CPB2: variants seen among roughly 807,000 people sequenced by gnomAD.
The protein encoded by CPB2 is carboxypeptidase B2.
Under a neutral mutation model 57.0 loss-of-function variants are expected in CPB2, and 54 were observed. The observed-to-expected ratio is 0.95, with a 90% CI of 0.76 to 1.19. The LOEUF is 1.19. CPB2 is among the 50% of genes most tolerant of loss of function. The pLI is 0.00. For missense variants in CPB2, 426 were observed against 512.0 expected (o/e 0.83, Z 1.62); for synonymous variants, 189 against 178.1 (o/e 1.06, Z -0.49).
chr13:46,087,085 G>A (rs2045219540), intron 2 of CPB2, among the ~76,000 whole-genome samples: 2 of 152,186 alleles, frequency 1.3e-5, no homozygotes, highest in Non-Finnish European at 2.9e-5. Flanking sequence ...CTGCAGCTGC[G>A]CCCAGGAGGG....
intron 1 of CPB2, among the ~76,000 whole-genome samples, chr13:46,092,058 T>C (rs1173768959): frequency 6.6e-6 from 1 of 152,162 alleles, no homozygotes; most frequent in Non-Finnish European, 1.5e-5. Context: ...CTGAACGAGA[T>C]TTTTCTTTTA....
intron 6 of CPB2, chr13:46,073,472 A>C: frequency 1.0e-6 from 1 of 983,084 alleles, no homozygotes; most frequent in Non-Finnish European, 1.2e-6. Context: ...CTTTATGTTC[A>C]ATTTCCAAGG....
intron 1 of CPB2, among the ~76,000 whole-genome samples, chr13:46,097,946 G>T (rs761562185): frequency 2.6e-5 from 4 of 152,194 alleles, no homozygotes; most frequent in Non-Finnish European, 5.9e-5. Context: ...AGTCATTTCA[G>T]TTTCCTCATG....
intron 8 of CPB2, 114 bp from the exon 9 acceptor site, chr13:46,058,495 AT>A: frequency 1.2e-6 from 1 of 818,842 alleles, no homozygotes; most frequent in Non-Finnish European, 2.0e-6. Flanking sequence ...AGATGAATGG[AT>A]TAGGTAGGGC....
chr13:46,100,506 T>C (rs1350688214), intron 1 of CPB2: 1 of 152,114 alleles, frequency 6.6e-6, no homozygotes, highest in African/African-American at 2.4e-5. Context: ...AGCATGTTTT[T>C]ATGGTTCTGT....
intron 5 of CPB2, among the ~76,000 whole-genome samples, chr13:46,077,104 C>A (rs2045033678): frequency 6.6e-6 from 1 of 152,008 alleles, no homozygotes; most frequent in South Asian, 2.1e-4. Context: ...TGAAAATTTG[C>A]TTCTGCACAG....
intron 6 of CPB2, among the ~76,000 whole-genome samples, chr13:46,072,712 T>A (rs887776463): frequency 6.6e-6 from 1 of 152,300 alleles, no homozygotes; most frequent in South Asian, 2.1e-4. Flanking sequence ...CTCACCGATA[T>A]AAATTAGAGT....
rs769677101 is a variant in CPB2, at chr13:46,084,294, T to C, written c.200A>G (p.Gln67Arg). The stretch of plus-strand genomic sequence containing the variant: ...AGATGCATTTACAAAAAAATGGACT[T>C]GTTTTTTCTTCACAATAAGGTCAGC... ...VTADLIVKKK[Q>R]VHFFVNASDV... Residue 67 changes from glutamine to arginine, a missense_variant, in exon 3 of 11, where the codon CAA becomes CGA. Transcript: ENST00000181383. 4 of 1,614,190 alleles carry C rather than the reference T, an allele frequency of 2.5e-6. No homozygotes were observed. In the East Asian group the frequency reaches 8.9e-5, roughly 36 times the overall value.
Position 46,094,197 on chromosome 13 carries a change from A to G in CPB2, c.75-6377T>C, listed in dbSNP as rs908109788. Among the ~76,000 whole-genome samples the G allele has an allele frequency of 5.9e-5, 9 of 152,246 alleles. No homozygotes were observed. The South Asian group carries it at 6.2e-4, about 11-fold the overall frequency. ...CACCCAGTGGGTTTTCTAGCCTTAC[A>G]TAGCATTTTTATTCTAGTGTGCTCT... is the stretch of plus-strand genomic sequence containing the variant. On this transcript the variant is annotated intron_variant, in intron 1 of 10. Coordinates refer to ENST00000181383, the MANE Select transcript of CPB2 (RefSeq NM_001872.5).
chr13:46,102,594 T>C (rs201196144), intron 1 of CPB2, among the ~76,000 whole-genome samples: 25,908 of 122,724 alleles, frequency 0.21, 3,307 homozygotes, highest in East Asian at 0.63. Flanking sequence ...GACTGTTAGT[T>C]TTTTTTTTTT....
intron 4 of CPB2, among the ~76,000 whole-genome samples, chr13:46,079,551 A>AAAAAAAAAAAAAAAAAAAAAAG (rs2045078862): frequency 8.0e-6 from 1 of 124,706 alleles, no homozygotes; most frequent in African/African-American, 3.4e-5. Context: ...AAAAAAAAAA[A>AAAAAAAAAAAAAAAAAAAAAAG]AAAAGAAAAG....
At chr13:46,064,340 C>T (rs899443557) in intron 8 of CPB2, among the ~76,000 whole-genome samples, 3 of 151,990 alleles carry the variant, frequency 2.0e-5, no homozygotes, top group Non-Finnish European at 4.4e-5. Context: ...AAAATAGGAT[C>T]TTTAACTGTC....
intron 6 of CPB2, among the ~76,000 whole-genome samples, chr13:46,070,473 T>G (rs2139370029): frequency 6.6e-6 from 1 of 152,190 alleles, no homozygotes; most frequent in South Asian, 2.1e-4. Flanking sequence ...AGCTGGCCTG[T>G]GGTCAATGAT....
intron 1 of CPB2, among the ~76,000 whole-genome samples, chr13:46,089,932 T>C (rs1413399460): frequency 1.3e-5 from 2 of 152,230 alleles, no homozygotes; most frequent in East Asian, 3.8e-4. Context: ...GAATTAACCC[T>C]ATATTGTATT....
chr13:46,066,084 A>T (rs2044849786), intron 7 of CPB2, among the ~76,000 whole-genome samples: 1 of 152,176 alleles, frequency 6.6e-6, no homozygotes. Flanking sequence ...CTCCTGTGCC[A>T]TTTCCATATC....
At chr13:46,079,773 A>G (rs905606852) in intron 4 of CPB2, among the ~76,000 whole-genome samples, 1 of 152,162 alleles carries the variant, frequency 6.6e-6, no homozygotes, top group African/African-American at 2.4e-5. Flanking sequence ...AGGTGATTTC[A>G]AATAGCAATC....
intron 2 of CPB2, 25 bp downstream of exon 2, chr13:46,087,720 T>G (rs753039677): frequency 6.6e-7 from 1 of 1,517,822 alleles, no homozygotes; most frequent in East Asian, 2.3e-5. Context: ...GAAACCAATA[T>G]AAACATAAAT....
intron 10 of CPB2, among the ~76,000 whole-genome samples, 176 bp downstream of exon 10, chr13:46,055,586 A>G (rs1237236525): frequency 6.6e-6 from 1 of 152,226 alleles, no homozygotes; most frequent in Non-Finnish European, 1.5e-5. Context: ...ATTTATTAAT[A>G]TAGCTTTGTT....
chr13:46,093,801 G>C (rs925341629), intron 1 of CPB2, among the ~76,000 whole-genome samples: 1 of 152,148 alleles, frequency 6.6e-6, no homozygotes, highest in Non-Finnish European at 1.5e-5. Context: ...CTTTTTAAAA[G>C]AAAGGTTTCT....
Sources: gnomAD v4.1 joint callset for allele counts (sites outside exome capture counted in the v4.1 genomes callset) on GRCh38, gnomAD v4.1.1 for gene constraint, MANE v1.5 for transcripts, NCBI Gene and HGNC (gene_info 2026-07-23, HGNC 2026-07-21) for gene names.